CATSPERB: variants seen among roughly 807,000 people sequenced by gnomAD.
The protein encoded by CATSPERB is cation channel sperm-associated auxiliary subunit beta.
Under a neutral mutation model 128.3 loss-of-function variants are expected in CATSPERB, and 93 were observed. The observed-to-expected ratio is 0.72, with a 90% CI of 0.61 to 0.86. The LOEUF is 0.86. CATSPERB is among the 40% of genes least tolerant of loss of function. CATSPERB has a pLI of 0.00. For synonymous variants in CATSPERB, 381 were observed against 448.8 expected (o/e 0.85, Z 1.91); for missense variants, 1,153 against 1,329.5 (o/e 0.87, Z 2.06).
chr14:91,731,190 CGT>C (rs1226312771), intron 1 of CATSPERB, among the ~76,000 whole-genome samples: 14 of 152,292 alleles, frequency 9.2e-5, no homozygotes, highest in Non-Finnish European at 8.8e-5. Flanking sequence ...GTATGAAGCA[CGT>C]GGTGGAAATT....
rs904246804 is a variant in CATSPERB at position 91,662,348 on chromosome 14, T to C, written c.1288-2367A>G. Among the ~76,000 whole-genome samples, 6 of 152,230 alleles carry C rather than the reference T, an allele frequency of 3.9e-5. No homozygotes were observed. The South Asian group carries it at 1.2e-3, about 32-fold the overall frequency. On this transcript the variant is annotated intron_variant, in intron 14 of 26. Coordinates refer to ENST00000256343, the MANE Select transcript of CATSPERB (RefSeq NM_024764.4). ...TATAACTTACTTTCCCTCAACATTA[T>C]TTACTTAAATTCATACATGTTGCAT...
chr14:91,717,206 G>A (rs983805622), intron 5 of CATSPERB, among the ~76,000 whole-genome samples: 1 of 152,204 alleles, frequency 6.6e-6, no homozygotes, highest in African/African-American at 2.4e-5. Context: ...GGTTGCCAGG[G>A]ACTGGGAGAT....
In CATSPERB at chr14:91,677,040, AC is replaced by A. The variant is rs201305746; in HGVS notation, c.932-2819del. On this transcript the variant is annotated intron_variant, in intron 11 of 26. Transcript: ENST00000256343. ...GCCATATGCAGAAAACTGAAACTGAACCCCTTCCTCACACCTTATAGAAAAA... is the reference window on the plus strand; with the variant it reads ...GCCATATGCAGAAAACTGAAACTGAACCCTTCCTCACACCTTATAGAAAAA... 5.9e-3 allele frequency among the ~76,000 whole-genome samples: 893 copies of A among 152,218 alleles called. 8 individuals are homozygous for A. Among genetic ancestry groups the A allele is most frequent in the African/African-American group, 0.02 (821 of 41,514 alleles).
rs749250972 is a variant in CATSPERB, at chr14:91,669,931, A to G, written c.1170T>C (p.Asn390=). ...ATTTTGATTGTGAATTTGGTTCATT[A>G]TTTCTCAGGGTGCTCACAGAGGCAA... ...TAIASVSTLR[N]NEPNSQSKFP... is the part of the protein sequence containing the mutation. The change falls in exon 14 of 27, where the codon AAT becomes AAC. Residue 390 remains asparagine (N), a synonymous_variant. Transcript: ENST00000256343. 1.2e-6 allele frequency: 2 copies of G among 1,613,564 alleles called. No individual in the cohort carries two copies. Among genetic ancestry groups the G allele is most frequent in the Non-Finnish European group, 1.7e-6 (2 of 1,179,830 alleles).
Position 91,626,279 on chromosome 14 carries a change from T to C in CATSPERB, c.1743-1272A>G, listed in dbSNP as rs550882740. ...CAATTAAAAAAATTATGTTAAAATA[T>C]ATGCTATGGTTTTAATGTATTCCTC... On this transcript the variant is annotated intron_variant, in intron 17 of 26. Coordinates refer to ENST00000256343, the MANE Select transcript of CATSPERB (RefSeq NM_024764.4). Among the ~76,000 whole-genome samples the C allele has an allele frequency of 2.4e-4, 37 of 151,858 alleles. 1 individual carries two copies. The highest frequency in any genetic ancestry group is 4.4e-5 in the Non-Finnish European group (3 of 67,982).
intron 15 of CATSPERB, among the ~76,000 whole-genome samples, chr14:91,654,005 T>A (rs1894749135): frequency 6.6e-6 from 1 of 152,074 alleles, no homozygotes; most frequent in South Asian, 2.1e-4. Flanking sequence ...TGACCAGTGC[T>A]GCACCTTTAA....
chr14:91,619,421 G>A (rs1225441884), intron 19 of CATSPERB, among the ~76,000 whole-genome samples: 1 of 152,116 alleles, frequency 6.6e-6, no homozygotes, highest in East Asian at 1.9e-4. Context: ...AAGGGTTTCA[G>A]ATAGAAGGAA....
chr14:91,593,151 A>G (rs759140938), intron 22 of CATSPERB, among the ~76,000 whole-genome samples: 1 of 152,258 alleles, frequency 6.6e-6, no homozygotes, highest in African/African-American at 2.4e-5. Context: ...ATGCCCAGGC[A>G]AAAGTTTTCT....
intron 22 of CATSPERB, among the ~76,000 whole-genome samples, chr14:91,593,357 C>A (rs1241573768): frequency 1.3e-5 from 2 of 152,208 alleles, no homozygotes; most frequent in African/African-American, 4.8e-5. Context: ...TGCAGACACT[C>A]AACATCAGCC....
intron 15 of CATSPERB, among the ~76,000 whole-genome samples, chr14:91,657,007 G>C (rs571642326): frequency 6.6e-6 from 1 of 152,096 alleles, no homozygotes; most frequent in Admixed American, 6.5e-5. Context: ...CCCTCAGATA[G>C]AGAAAGCAAA....
At chr14:91,651,551 G>A (rs1894704627) in intron 15 of CATSPERB, among the ~76,000 whole-genome samples, 2 of 152,184 alleles carry the variant, frequency 1.3e-5, no homozygotes, top group East Asian at 1.9e-4. Context: ...TTTACCTACA[G>A]TGTCCCTAAG....
At chr14:91,697,978 T>C (rs1895590188) in intron 7 of CATSPERB, among the ~76,000 whole-genome samples, 1 of 152,224 alleles carries the variant, frequency 6.6e-6, no homozygotes, top group Non-Finnish European at 1.5e-5. Flanking sequence ...AGTATGGCCA[T>C]TTAGATGGTA....
chr14:91,622,121 C>T (rs1472256806), intron 18 of CATSPERB, among the ~76,000 whole-genome samples, 184 bp from the exon 19 acceptor site: 2 of 152,064 alleles, frequency 1.3e-5, no homozygotes, highest in Non-Finnish European at 2.9e-5. Context: ...ATAAATAGAC[C>T]ATGCACCTAT....
chr14:91,592,147 G>A (rs1185413776), intron 22 of CATSPERB, 145 bp from the exon 23 acceptor site: 7 of 662,014 alleles, frequency 1.1e-5, no homozygotes, highest in Non-Finnish European at 1.9e-5. Context: ...TAATAATAAA[G>A]TAAGAATAGA....
At chr14:91,708,069 G>A (rs576246304) in intron 6 of CATSPERB, 72 bp downstream of exon 6, 2 of 950,994 alleles carry the variant, frequency 2.1e-6, no homozygotes, top group South Asian at 1.3e-5. Flanking sequence ...ACAGAATCTG[G>A]CATATAGCGG....
chr14:91,639,243 T>A lies in CATSPERB; in HGVS notation c.1440A>T (p.Gly480=). ...TAACACTTCCGACTGCACTGTATCT[T>A]CCCATTCCTATTAGGAAATACAGAG... is the stretch of plus-strand genomic sequence containing the variant. The part of the protein sequence containing the change: ...GKVYSTKAGM[G]RYSAVGSVTE... The change falls in exon 16 of 27, where the codon GGA becomes GGT. Residue 480 remains glycine (G), a synonymous_variant. Coordinates refer to ENST00000256343, the MANE Select transcript of CATSPERB (RefSeq NM_024764.4). 6.2e-7 allele frequency: 1 copy of A among 1,612,842 alleles called. No individual in the cohort carries two copies. Among genetic ancestry groups the A allele is most frequent in the Non-Finnish European group, 8.5e-7 (1 of 1,179,490 alleles).
intron 7 of CATSPERB, among the ~76,000 whole-genome samples, chr14:91,702,530 G>C (rs1408412121): frequency 6.6e-6 from 1 of 151,542 alleles, no homozygotes; most frequent in Non-Finnish European, 1.5e-5. Context: ...TTAATCTATT[G>C]CTTTATAATA....
intron 6 of CATSPERB, among the ~76,000 whole-genome samples, chr14:91,707,173 T>C (rs1396894508): frequency 6.6e-6 from 1 of 152,216 alleles, no homozygotes; most frequent in Non-Finnish European, 1.5e-5. Context: ...CTCTGTCATT[T>C]ACTATGCTTC....
At chr14:91,721,898 G>A (rs954029805) in intron 4 of CATSPERB, among the ~76,000 whole-genome samples, 4 of 151,724 alleles carry the variant, frequency 2.6e-5, no homozygotes, top group Admixed American at 1.3e-4. Context: ...GTAAGGATGT[G>A]GAGAGACGGG....
Sources: allele counts gnomAD v4.1 joint callset (sites outside exome capture counted in the v4.1 genomes callset), GRCh38; gene constraint gnomAD v4.1.1; transcripts MANE v1.5; gene names NCBI Gene and HGNC (gene_info 2026-07-23, HGNC 2026-07-21).